HTR4: variants seen among roughly 807,000 people sequenced by gnomAD.
HTR4 encodes 5-hydroxytryptamine receptor 4.
HTR4 carries 16 observed loss-of-function variants against 36.8 expected under a neutral mutation model. That is an observed-to-expected ratio of 0.43 (90% CI 0.29 to 0.66). HTR4 has a LOEUF of 0.66. HTR4 is among the 30% of genes least tolerant of loss of function. HTR4 has a pLI of 0.13. For synonymous variants in HTR4, 189 were observed against 185.1 expected, an observed-to-expected ratio of 1.02 and a Z score of -0.17; for missense variants, 438 against 490.9, an observed-to-expected ratio of 0.89 and a Z score of 1.02.
intron 2 of HTR4, chr5:148,629,953 T>G (rs1282991681): frequency 6.6e-6 from 1 of 152,136 alleles, no homozygotes; most frequent in African/African-American, 2.4e-5. Context: ...AACATGGAAA[T>G]TTGGGCGATG....
intron 5 of HTR4, among the ~76,000 whole-genome samples, chr5:148,522,669 G>C (rs1034053507): frequency 1.3e-5 from 2 of 152,224 alleles, no homozygotes; most frequent in Admixed American, 1.3e-4. Context: ...TGTAGTAGAA[G>C]AGAGAGATTG....
intron 2 of HTR4, among the ~76,000 whole-genome samples, chr5:148,608,900 G>A (rs1303266836): frequency 2.0e-5 from 3 of 152,196 alleles, no homozygotes; most frequent in Non-Finnish European, 2.9e-5. Context: ...TGGTTCTGAA[G>A]CTTGCCTGAT....
chr5:148,481,639 A>T lies in HTR4; in HGVS notation c.*1564T>A. On this transcript the variant is annotated 3_prime_UTR_variant, in exon 7 of 7. Coordinates refer to ENST00000377888, the MANE Select transcript of HTR4 (RefSeq NM_000870.7). The stretch of plus-strand genomic sequence containing the variant: ...GGTTTCAGTTCCAGAACTAAAGTAA[A>T]CAACAATGGAAACAATAACTGACAC... 1 of 1,503,828 alleles carries T rather than the reference A, an allele frequency of 6.6e-7. No individual in the cohort carries two copies. The highest frequency in any genetic ancestry group is 8.8e-7 in the Non-Finnish European group (1 of 1,139,226). The allele number at this position is 1,503,828 out of a possible 1,614,324, so 93.2% of individuals were successfully genotyped here. A position where few individuals can be genotyped will look rare whatever the true frequency, so the allele number is the denominator to read the frequency against.
intron 6 of HTR4, among the ~76,000 whole-genome samples, chr5:148,487,476 G>A (rs1756217502): frequency 6.6e-6 from 1 of 152,138 alleles, no homozygotes; most frequent in East Asian, 1.9e-4. Flanking sequence ...AAGGTCCAGA[G>A]GCTATGTGCA....
At chr5:148,570,797 GA>G (rs755651170) in intron 2 of HTR4, among the ~76,000 whole-genome samples, 26 of 152,008 alleles carry the variant, frequency 1.7e-4, no homozygotes, top group Middle Eastern at 3.2e-3. Flanking sequence ...AAAGAGAAGG[GA>G]CAAGAGTATT....
At chr5:148,586,889 A>G (rs1761367767) in intron 2 of HTR4, among the ~76,000 whole-genome samples, 1 of 152,088 alleles carries the variant, frequency 6.6e-6, no homozygotes, top group South Asian at 2.1e-4. Context: ...TGCTGCCCTA[A>G]TCCTCTTAAA....
At chr5:148,594,931 T>C (rs1561640109) in intron 2 of HTR4, among the ~76,000 whole-genome samples, 1 of 152,216 alleles carries the variant, frequency 6.6e-6, no homozygotes, top group Admixed American at 6.5e-5. Context: ...TTTTCCCATG[T>C]ATTTACTCCC....
At chr5:148,532,987 G>A (rs999271138) in intron 4 of HTR4, among the ~76,000 whole-genome samples, 4 of 152,176 alleles carry the variant, frequency 2.6e-5, no homozygotes, top group Non-Finnish European at 5.9e-5. Flanking sequence ...TGTTAGGCTA[G>A]GAGGAGTTAC....
chr5:148,561,287 A>G (rs1283965339), intron 2 of HTR4, among the ~76,000 whole-genome samples: 2 of 152,230 alleles, frequency 1.3e-5, no homozygotes, highest in African/African-American at 4.8e-5. Context: ...TAAAAGCTGT[A>G]AGGAATACAA....
chr5:148,459,238 G>T (rs574339423), intron 5 of HTR4, among the ~76,000 whole-genome samples: 3 of 152,216 alleles, frequency 2.0e-5, no homozygotes, highest in African/African-American at 4.8e-5. Flanking sequence ...GAACTCGAGG[G>T]GGGAGGGCAA....
chr5:148,463,551 A>G (rs1755341940), intron 5 of HTR4, among the ~76,000 whole-genome samples: 1 of 152,124 alleles, frequency 6.6e-6, no homozygotes, highest in African/African-American at 2.4e-5. Flanking sequence ...AGAAAAGTAC[A>G]AAACTCTGAT....
chr5:148,593,857 A>G (rs1050073667), intron 2 of HTR4, among the ~76,000 whole-genome samples: 1 of 152,158 alleles, frequency 6.6e-6, no homozygotes, highest in Admixed American at 6.6e-5. Flanking sequence ...CAAATGACCA[A>G]TGCTTCAACC....
intron 2 of HTR4, among the ~76,000 whole-genome samples, chr5:148,577,729 A>G (rs946343254): frequency 6.6e-6 from 1 of 152,114 alleles, no homozygotes; most frequent in African/African-American, 2.4e-5. Flanking sequence ...AGAAAACCAA[A>G]TACTGCCTGT....
At chr5:148,539,610 A>G (rs1242563227) in intron 4 of HTR4, among the ~76,000 whole-genome samples, 2 of 152,238 alleles carry the variant, frequency 1.3e-5, no homozygotes, top group South Asian at 2.1e-4. Context: ...GCCAACAAGC[A>G]TATAAAAAAG....
intron 5 of HTR4, among the ~76,000 whole-genome samples, chr5:148,467,648 G>GA (rs1478715155): frequency 1.3e-5 from 2 of 152,196 alleles, no homozygotes; most frequent in Non-Finnish European, 2.9e-5. Context: ...TAGATTTTCA[G>GA]AAACTGTATA....
At chr5:148,473,671 C>T (rs947574667), downstream of HTR4, among the ~76,000 whole-genome samples, 36 of 152,078 alleles carry the variant, frequency 2.4e-4, no homozygotes, top group Non-Finnish European at 8.8e-5. Context: ...ATTTATGTAT[C>T]TCTCCTCTAA....
chr5:148,579,831 C>A (rs997931163), intron 2 of HTR4, among the ~76,000 whole-genome samples: 1 of 152,062 alleles, frequency 6.6e-6, no homozygotes, highest in Non-Finnish European at 1.5e-5. Flanking sequence ...CATATCAAAT[C>A]ACTCTCAAAT....
intron 2 of HTR4, among the ~76,000 whole-genome samples, chr5:148,576,650 C>T (rs1489830808): frequency 1.3e-5 from 2 of 151,984 alleles, no homozygotes; most frequent in Non-Finnish European, 1.5e-5. Flanking sequence ...GAATAGAGAG[C>T]CCTGAAATAA....
intron 4 of HTR4, among the ~76,000 whole-genome samples, chr5:148,534,238 G>C (rs540046192): frequency 1.6e-3 from 237 of 152,298 alleles, no homozygotes; most frequent in African/African-American, 5.5e-3. Flanking sequence ...CTGGTAACAG[G>C]TATGTACCTT....
Sources: allele counts gnomAD v4.1 joint callset (sites outside exome capture counted in the v4.1 genomes callset), GRCh38; gene constraint gnomAD v4.1.1; transcripts MANE v1.5; gene names NCBI Gene and HGNC (gene_info 2026-07-23, HGNC 2026-07-21).